Variants in LRIG1 observed in about 807,000 individuals in gnomAD.
The protein encoded by LRIG1 is leucine-rich repeats and immunoglobulin-like domains protein 1.
Under a neutral mutation model 99.2 loss-of-function variants are expected in LRIG1, and 48 were observed. The ratio of observed to expected loss-of-function variants is 0.48; its 90% CI spans 0.38 to 0.62. The LOEUF (loss-of-function observed/expected upper bound fraction) is 0.62. Ranked by LOEUF, LRIG1 falls within the 20% of genes least tolerant of loss-of-function variation. The probability of loss-of-function intolerance (pLI) is 0.00; values close to 1 mark genes in which losing one functional copy is unlikely to be tolerated. For synonymous variants in LRIG1, 772 were observed against 596.1 expected (o/e 1.29, Z -4.30); for missense variants, 1,646 against 1,434.4 (o/e 1.15, Z -2.38).
At chr3:66,469,907 CAAAAA>C (rs55768550) in intron 1 of LRIG1, among the ~76,000 whole-genome samples, 3 of 115,806 alleles carry the variant, frequency 2.6e-5, no homozygotes, top group African/African-American at 6.9e-5. Context: ...CTGTCCCTAC[CAAAAA>C]AAAAAAAAAA....
At chr3:66,386,352 GA>G (rs780197690) in intron 12 of LRIG1, 51 bp from the exon 13 acceptor site, 7 of 1,474,982 alleles carry the variant, frequency 4.7e-6, no homozygotes, top group Non-Finnish European at 9.4e-7. Flanking sequence ...GTACACAGAG[GA>G]ACCAGCTGCT....
In LRIG1 at chr3:66,380,736, C is replaced by G; in HGVS notation, c.2896G>C (p.Glu966Gln). ...SAQPSAPNGP[E>Q]PGGSDQEHSP... ...TGCTCTTGGTCACTCCCACCCGGCT[C>G]CGGGCCATTTGGCGCACTTGGCTGT... Residue 966 changes from glutamate (E) to glutamine (Q), a missense_variant, in exon 18 of 19, where the codon GAG becomes CAG. Glu to Gln is a conservative substitution (Grantham distance 29, BLOSUM62 2). Transcript: ENST00000273261. The G allele has an allele frequency of 6.2e-7, 1 of 1,614,230 alleles. No homozygotes were observed. Among genetic ancestry groups the G allele is most frequent in the Non-Finnish European group, 8.5e-7 (1 of 1,180,050 alleles).
Position 66,381,514 on chromosome 3 carries a change from T to G in LRIG1, c.2735A>C (p.Glu912Ala). The G allele has an allele frequency of 1.2e-6, 2 of 1,614,038 alleles. No homozygotes were observed. The highest frequency in any genetic ancestry group is 1.7e-6 in the Non-Finnish European group (2 of 1,179,912). ...TGGCCCAGGTGTCCCTTCAGCTTTC[T>G]CCATCGCTTTCCACGGCTCTTTGTG... The part of the protein sequence containing the change: ...AYHKEPWKAM[E>A]KAEGTPGPHK... Residue 912 changes from glutamate (E) to alanine (A), a missense_variant, in exon 17 of 19, where the codon GAG becomes GCG. Physicochemically the swap from Glu to Ala is moderately radical, Grantham distance 107. Transcript: ENST00000273261.
chr3:66,419,133 T>C (rs919469701), intron 3 of LRIG1, among the ~76,000 whole-genome samples: 1 of 152,166 alleles, frequency 6.6e-6, no homozygotes, highest in African/African-American at 2.4e-5. Flanking sequence ...GGGTCTGTGC[T>C]GGACAGAAGG....
intron 1 of LRIG1, among the ~76,000 whole-genome samples, chr3:66,488,330 G>GA (rs1356470942): frequency 6.6e-6 from 1 of 151,936 alleles, no homozygotes; most frequent in Non-Finnish European, 1.5e-5. Context: ...TTCAAAATTA[G>GA]AAAAAGCCAC....
chr3:66,399,403 G>A (rs1269342953), intron 9 of LRIG1, among the ~76,000 whole-genome samples: 1 of 152,176 alleles, frequency 6.6e-6, no homozygotes, highest in African/African-American at 2.4e-5. Flanking sequence ...GTTTAGTGAT[G>A]GAGAGATGAG....
At chr3:66,436,621 A>G (rs1703367970) in intron 3 of LRIG1, among the ~76,000 whole-genome samples, 1 of 152,142 alleles carries the variant, frequency 6.6e-6, no homozygotes, top group African/African-American at 2.4e-5. Flanking sequence ...GTCTGGTGCC[A>G]GCCTCCAAAT....
intron 3 of LRIG1, chr3:66,417,539 T>C (rs73833488): frequency 0.018 from 7,775 of 429,956 alleles, 518 homozygotes; most frequent in African/African-American, 0.14. Context: ...CTGAAGACCA[T>C]GTGAGACCAG....
At chr3:66,451,675 T>C (rs752877560) in intron 2 of LRIG1, 42 bp from the exon 3 acceptor site, 40 of 1,468,166 alleles carry the variant, frequency 2.7e-5, no homozygotes, top group Non-Finnish European at 2.8e-5. Flanking sequence ...GGCATTTGAA[T>C]TAGTCTGAAA....
chr3:66,387,495 T>C (rs1480241969), intron 12 of LRIG1: 2 of 152,040 alleles, frequency 1.3e-5, no homozygotes, highest in Admixed American at 6.6e-5. Context: ...AAGCAGGGAC[T>C]TAAGGGGACG....
chr3:66,447,695 C>G (rs558995579), intron 3 of LRIG1, among the ~76,000 whole-genome samples: 1 of 152,144 alleles, frequency 6.6e-6, no homozygotes, highest in Non-Finnish European at 1.5e-5. Context: ...AAGCTAAGAC[C>G]AACTATACCA....
At chr3:66,411,648 C>T (rs1003538265) in intron 6 of LRIG1, among the ~76,000 whole-genome samples, 1 of 152,160 alleles carries the variant, frequency 6.6e-6, no homozygotes, top group Non-Finnish European at 1.5e-5. Flanking sequence ...CACAGCACAA[C>T]ATGTGGATGG....
intron 3 of LRIG1, chr3:66,417,595 G>C (rs1656846883): frequency 3.7e-6 from 1 of 270,858 alleles, no homozygotes; most frequent in Admixed American, 4.8e-5. Context: ...TAAAGGATGT[G>C]CCCTGTCCTG....
rs56128311 is a variant in LRIG1 at position 66,489,525 on chromosome 3, ATGTGTGTG to A, written c.218+10657_218+10664del. Among the ~76,000 whole-genome samples the A allele has an allele frequency of 3.5e-3, 521 of 150,004 alleles. 3 individuals carry two copies. The highest frequency in any genetic ancestry group is 2.8e-3 in the Non-Finnish European group (186 of 67,296). ...TGACAGAGTGGGACCCTTTGTGTGT[ATGTGTGTG>A]TGTGTGTGTGTGTGTGTGTCTAACA... On this transcript the variant is annotated intron_variant, in intron 1 of 18. Coordinates refer to ENST00000273261, the MANE Select transcript of LRIG1 (RefSeq NM_015541.3).
intron 1 of LRIG1, among the ~76,000 whole-genome samples, chr3:66,487,377 C>T (rs1700998967): frequency 6.6e-6 from 1 of 152,162 alleles, no homozygotes; most frequent in Admixed American, 6.5e-5. Context: ...TGAAGTCCTC[C>T]ACACAGGCCA....
rs554538329 is a variant in LRIG1, at chr3:66,417,645, C to A, written c.366-379G>T. 270 of 197,622 alleles carry A rather than the reference C, an allele frequency of 1.4e-3. 1 individual carries two copies. The highest frequency in any genetic ancestry group is 1.7e-3 in the Non-Finnish European group (162 of 95,022). The allele number at this position is 197,622 out of a possible 1,614,324, so 12.2% of individuals were successfully genotyped here. On this transcript the variant is annotated intron_variant, in intron 3 of 18. Transcript: ENST00000273261. The stretch of plus-strand genomic sequence containing the variant: ...TCCAGTCCAACTCTCACCCATCATC[C>A]TCAGACCTAGTCCAGCCTCATAACT...
At chr3:66,451,444 C>A in intron 3 of LRIG1, 115 bp downstream of exon 3, 1 of 783,808 alleles carries the variant, frequency 1.3e-6, no homozygotes. Context: ...GAAGAAAGGT[C>A]TTTCTTCACC....
At chr3:66,493,980 A>C (rs1231144300) in intron 1 of LRIG1, among the ~76,000 whole-genome samples, 1 of 148,832 alleles carries the variant, frequency 6.7e-6, no homozygotes, top group African/African-American at 2.4e-5. Flanking sequence ...AAGAAAGAGA[A>C]AAAGAGAAAG....
intron 13 of LRIG1, among the ~76,000 whole-genome samples, chr3:66,385,153 C>G (rs114242858): frequency 6.6e-6 from 1 of 152,148 alleles, no homozygotes; most frequent in South Asian, 2.1e-4. Flanking sequence ...TCCCCACCCC[C>G]CTCCTCCAAA....
Sources: allele counts gnomAD v4.1 joint callset (sites outside exome capture counted in the v4.1 genomes callset), GRCh38; gene constraint gnomAD v4.1.1; transcripts MANE v1.5; gene names NCBI Gene and HGNC (gene_info 2026-07-23, HGNC 2026-07-21).